The following RRBP1 variants were observed in gnomAD, a reference collection of about 807,000 sequenced individuals.
The protein encoded by RRBP1 is ribosome binding protein 1, also known as ribosome-binding protein 1.
A neutral mutation model predicts 165.2 loss-of-function variants in RRBP1; 94 were observed. The ratio of observed to expected loss-of-function variants is 0.57; its 90% CI spans 0.48 to 0.68. RRBP1 has a LOEUF of 0.68. Ranked by LOEUF, RRBP1 falls within the 30% of genes least tolerant of loss-of-function variation. The probability of loss-of-function intolerance (pLI) is 0.00; values close to 1 mark genes in which losing one functional copy is unlikely to be tolerated. For missense variants in RRBP1, 1,676 were observed against 1,763.0 expected, an observed-to-expected ratio of 0.95 and a Z score of 0.88; for synonymous variants, 680 against 714.5, an observed-to-expected ratio of 0.95 and a Z score of 0.77.
intron 3 of RRBP1, among the ~76,000 whole-genome samples, chr20:17,647,425 C>G (rs1041085181): frequency 6.6e-6 from 1 of 152,214 alleles, no homozygotes; most frequent in Non-Finnish European, 1.5e-5. Flanking sequence ...AGGTCCAAGT[C>G]TTCATAGGCC....
chr20:17,667,203 G>A (rs1048710377), intron 2 of RRBP1, among the ~76,000 whole-genome samples: 2 of 152,090 alleles, frequency 1.3e-5, no homozygotes, highest in Non-Finnish European at 2.9e-5. Flanking sequence ...TGTAGATCTG[G>A]AAGAACTTGC....
In RRBP1 at chr20:17,621,398, G is replaced by A. The variant is rs998174012; in HGVS notation, c.3414+60C>T. 2.4e-5 allele frequency: 33 copies of A among 1,358,770 alleles called. 1 individual carries two copies. Among genetic ancestry groups the A allele is most frequent in the South Asian group, 1.8e-4 (15 of 83,010 alleles). 84.2% of individuals were successfully genotyped at this position (1,358,770 alleles called of 1,614,324 possible). On this transcript the variant is annotated intron_variant, in intron 16 of 24. Transcript: ENST00000377813. ...GGCCACCTCCTGCCCCATAGGCCCCGAAGCTCTCCTTCCCTGCAGCCTCCC... is the reference window on the plus strand; with the variant it reads ...GGCCACCTCCTGCCCCATAGGCCCCAAAGCTCTCCTTCCCTGCAGCCTCCC...
chr20:17,617,389 A>C (rs2035821845), intron 20 of RRBP1, among the ~76,000 whole-genome samples: 1 of 152,170 alleles, frequency 6.6e-6, no homozygotes, highest in Non-Finnish European at 1.5e-5. Context: ...AGAGGTTCCA[A>C]TTGGAGACCC....
At chr20:17,638,205 T>C (rs1048693015) in intron 5 of RRBP1, among the ~76,000 whole-genome samples, 4 of 152,214 alleles carry the variant, frequency 2.6e-5, no homozygotes, top group African/African-American at 9.6e-5. Flanking sequence ...ACAGGTGTGG[T>C]AGAGATGGCT....
At chr20:17,656,489 T>G (rs556430092) in intron 3 of RRBP1, among the ~76,000 whole-genome samples, 1 of 152,226 alleles carries the variant, frequency 6.6e-6, no homozygotes. Flanking sequence ...TAAGAAGACT[T>G]TTCCAAATTA....
At chr20:17,649,726 G>A (rs1211588963) in intron 3 of RRBP1, among the ~76,000 whole-genome samples, 1 of 152,026 alleles carries the variant, frequency 6.6e-6, no homozygotes. Context: ...CCCCTGACCT[G>A]TGACCCCAGC....
At chr20:17,652,484 C>T (rs1486831266) in intron 3 of RRBP1, among the ~76,000 whole-genome samples, 4 of 152,142 alleles carry the variant, frequency 2.6e-5, no homozygotes, top group Admixed American at 1.3e-4. Context: ...TGCTCCACAC[C>T]GGTGATCTAG....
At chr20:17,615,408 C>CCCCCG (rs1568748707) in intron 23 of RRBP1, 23 bp downstream of exon 23, 1 of 1,583,698 alleles carries the variant, frequency 6.3e-7, no homozygotes, top group Non-Finnish European at 8.6e-7. Flanking sequence ...CCAGGTGTGA[C>CCCCCG]CCCCGCCCCA....
chr20:17,665,557 G>C (rs1336786055), intron 2 of RRBP1, among the ~76,000 whole-genome samples: 1 of 152,112 alleles, frequency 6.6e-6, no homozygotes, highest in Non-Finnish European at 1.5e-5. Context: ...GTTTTTAGTA[G>C]AGACGGGGTT....
intron 3 of RRBP1, among the ~76,000 whole-genome samples, chr20:17,654,131 C>G (rs1355896320): frequency 6.6e-6 from 1 of 152,152 alleles, no homozygotes; most frequent in East Asian, 1.9e-4. Flanking sequence ...CTGGTGTGGG[C>G]CGTCCACGTA....
intron 3 of RRBP1, among the ~76,000 whole-genome samples, chr20:17,651,982 G>C (rs528505235): frequency 6.6e-6 from 1 of 152,280 alleles, no homozygotes; most frequent in African/African-American, 2.4e-5. Context: ...TCAGCAGGGG[G>C]CCCTGCTGGA....
chr20:17,658,564 C>G (rs1320216106), intron 3 of RRBP1, 32 bp downstream of exon 3: 1 of 1,537,320 alleles, frequency 6.5e-7, no homozygotes, highest in Admixed American at 2.1e-5. Flanking sequence ...ACAGCCTTTC[C>G]TTCTAAGTTC....
chr20:17,679,660 T>C (rs970287568), intron 2 of RRBP1, among the ~76,000 whole-genome samples: 8 of 152,378 alleles, frequency 5.3e-5, no homozygotes, highest in East Asian at 1.9e-4. Context: ...TATGTAATTA[T>C]TGCAGCCTGT....
chr20:17,647,925 G>C (rs758789135), intron 3 of RRBP1, among the ~76,000 whole-genome samples: 7 of 152,162 alleles, frequency 4.6e-5, no homozygotes, highest in Non-Finnish European at 8.8e-5. Flanking sequence ...ACGCCCTGTA[G>C]TCCCCAGTCA....
intron 2 of RRBP1, among the ~76,000 whole-genome samples, chr20:17,674,862 A>C (rs2037046812): frequency 6.6e-6 from 1 of 152,214 alleles, no homozygotes; most frequent in African/African-American, 2.4e-5. Context: ...CACCCAAAAC[A>C]AATGTTCTGT....
At position 17,641,891 on chromosome 20, in the gene RRBP1, A is replaced by G; in HGVS notation, c.2090T>C (p.Ile697Thr). 6.2e-7 allele frequency: 1 copy of G among 1,614,096 alleles called. No homozygotes were observed. The highest frequency in any genetic ancestry group is 8.5e-7 in the Non-Finnish European group (1 of 1,179,964). Residue 697 changes from isoleucine (I) to threonine (T), a missense_variant, in exon 5 of 25, where the codon ATT (isoleucine) becomes ACT (threonine). By Grantham distance (89) the Ile-to-Thr change is moderately conservative (BLOSUM62 -1). Around this residue, in one of 5 missense-constraint regions of RRBP1, gnomAD observed 1,184 missense variants for 1,167.1 expected, o/e 1.01. Coordinates refer to ENST00000377813, the MANE Select transcript of RRBP1 (RefSeq NM_001365613.2). ...CTTCTCTTCCAGCTGGCGTTTCAGA[A>G]TCGCCACAGGGTCACCCTTCTGAGT... ...KATQKGDPVA[I>T]LKRQLEEKEK...
Position 17,635,650 on chromosome 20 carries a change from C to T in RRBP1, c.2352G>A (p.Gln784=). The change falls in exon 7 of 25, where the codon CAG becomes CAA. Residue 784 remains glutamine (Q), a synonymous_variant. Transcript: ENST00000377813. ...TGTTGGGGCCATTCTCCAGCTGCTC[C>T]TGAAGAGTCCGGATCTGGAAAGTCA... ...QQLQGKIRTL[Q]EQLENGPNTQ... 1 of 1,613,430 alleles carries T rather than the reference C, an allele frequency of 6.2e-7. No homozygotes were observed. Among genetic ancestry groups the T allele is most frequent in the Non-Finnish European group, 8.5e-7 (1 of 1,179,848 alleles).
Position 17,659,285 on chromosome 20 carries a change from T to A in RRBP1, c.1223A>T (p.Gln408Leu), listed in dbSNP as rs189135798. 23 of 1,540,106 alleles carry A rather than the reference T, an allele frequency of 1.5e-5. No individual in the cohort carries two copies. The East Asian group carries it at 5.8e-4, about 39-fold the overall frequency. The part of the protein sequence containing the change: ...QGKKAEGAQN[Q>L]GKKAEGAQNQ... ...CTGGGCCCCCTCGGCCTTTTTGCCC[T>A]GGTTCTGGGCACCCTCAGCCTTCTT... The change falls in exon 3 of 25, where the codon CAG becomes CTG. Residue 408 changes from glutamine to leucine, a missense_variant. Transcript: ENST00000377813.
intron 8 of RRBP1, among the ~76,000 whole-genome samples, chr20:17,632,091 G>C (rs1310869265): frequency 1.3e-5 from 2 of 152,202 alleles, no homozygotes; most frequent in Non-Finnish European, 2.9e-5. Context: ...GGAAAACTGA[G>C]GCTCTGAAAT....
Sources: allele counts gnomAD v4.1 joint callset (sites outside exome capture counted in the v4.1 genomes callset), GRCh38; gene constraint gnomAD v4.1.1; regional missense constraint gnomAD v4.1.1; transcripts MANE v1.5; gene names NCBI Gene and HGNC (gene_info 2026-07-23, HGNC 2026-07-21).